The following KIAA1210 variants were observed in gnomAD, a reference collection of about 807,000 sequenced individuals.
The protein encoded by KIAA1210 is KIAA1210, also known as acrosomal protein KIAA1210.
A neutral mutation model predicts 78.9 loss-of-function variants in KIAA1210; 48 were observed. The observed-to-expected ratio is 0.61, with a 90% CI of 0.48 to 0.77. The LOEUF is 0.77. KIAA1210 is among the 30% of genes least tolerant of loss of function. The probability of loss-of-function intolerance (pLI) is 0.00; values close to 1 mark genes in which losing one functional copy is unlikely to be tolerated. For synonymous variants in KIAA1210, 406 were observed against 404.5 expected (o/e 1.00, Z -0.04); for missense variants, 1,108 against 1,100.0 (o/e 1.01, Z -0.10).
At chrX:119,093,884 G>GT in intron 7 of KIAA1210, 109 bp from the exon 8 acceptor site, 3 of 865,456 alleles carry the variant, frequency 3.5e-6, no homozygotes, top group Non-Finnish European at 5.0e-6. Flanking sequence ...TGCTGGGCAC[G>GT]TAACAGTACC....
intron 1 of KIAA1210, chrX:119,150,245 T>G: frequency 8.7e-7 from 1 of 1,150,574 alleles, no homozygotes; most frequent in Non-Finnish European, 1.2e-6. Flanking sequence ...GAGTCATTTC[T>G]TACAAACTCT....
At chrX:119,086,489 C>T (rs1927136846) in intron 9 of KIAA1210, 57 bp downstream of exon 9, 57 of 1,059,635 alleles carry the variant, frequency 5.4e-5, no homozygotes, top group Middle Eastern at 3.8e-4. Context: ...CAAGGCTTTG[C>T]TTTCCAGTTG....
chrX:119,150,115 T>C (rs920097881), intron 1 of KIAA1210, among the ~76,000 whole-genome samples: 5 of 112,064 alleles, frequency 4.5e-5, no homozygotes, highest in Non-Finnish European at 9.4e-5. Flanking sequence ...GTGCTTTACT[T>C]TGAGATGATG....
chrX:119,096,080 T>C (rs1927542731), intron 7 of KIAA1210, among the ~76,000 whole-genome samples: 1 of 112,069 alleles, frequency 8.9e-6, no homozygotes, highest in African/African-American at 3.2e-5. Context: ...GAAAGCTTGA[T>C]CTCCAAATAA....
intron 2 of KIAA1210, among the ~76,000 whole-genome samples, chrX:119,122,326 T>C (rs1928494951): frequency 9.0e-6 from 1 of 110,928 alleles, no homozygotes; most frequent in Non-Finnish European, 1.9e-5. Context: ...CACCTCGGCC[T>C]CCCAAAGTGC....
rs369352523 is a variant in KIAA1210 at position 119,088,779 on chromosome X, T to C, written c.1923A>G (p.Glu641=). 5 of 1,209,890 alleles carry C rather than the reference T, an allele frequency of 4.1e-6. 1 individual carries two copies. In the African/African-American group the frequency reaches 8.7e-5, roughly 21 times the overall value. Residue 641 remains glutamate, a synonymous_variant, in exon 9 of 12, where the codon GAA becomes GAG. Coordinates refer to ENST00000691062, the MANE Select transcript of KIAA1210 (RefSeq NM_001394962.1). ...TCAAGTCCTCAACAAAACTTTTTGA[T>C]TCTGAGAAGACTTCTTGTTCATCTT... The part of the protein sequence containing the change: ...KFEDEQEVFS[E]SKSFVEDLSS...
At chrX:119,092,543 C>T (rs751536148) in intron 8 of KIAA1210, among the ~76,000 whole-genome samples, 18 of 111,354 alleles carry the variant, frequency 1.6e-4, no homozygotes, top group Non-Finnish European at 2.8e-4. Flanking sequence ...GGGCAGATCA[C>T]AAGGTCAGGA....
rs756335711 is a variant in KIAA1210, at chrX:119,116,565, C to T, written c.161G>A (p.Ser54Asn). The change falls in exon 3 of 12, where the codon AGC (serine) becomes AAC (asparagine). Residue 54 changes from serine to asparagine, a missense_variant. Ser to Asn is a conservative substitution (Grantham distance 46). This residue lies in a region of KIAA1210 where 672 missense variants were observed against 607.1 expected (regional missense o/e 1.11). Transcript: ENST00000691062. ...GATGTTAATGTTGCTGCTGGACAAG[C>T]TCAGTTCTAGCATTTCTTCTTCCTG... ...DTQEEEMLEL[S>N]LSSSNINISS... 2.1e-5 allele frequency: 26 copies of T among 1,211,267 alleles called. No homozygotes were observed. Among genetic ancestry groups the T allele is most frequent in the Non-Finnish European group, 2.7e-5 (24 of 894,931 alleles).
intron 1 of KIAA1210, chrX:119,150,273 A>G (rs753871151): frequency 1.4e-5 from 17 of 1,194,470 alleles, no homozygotes; most frequent in Non-Finnish European, 1.9e-5. Flanking sequence ...TCAAGGCTGT[A>G]GGAGTGCCAC....
rs368603829 is a variant in KIAA1210 at position 119,096,676 on chromosome X, A to T, written c.664T>A (p.Ser222Thr). Reference protein sequence around the residue: ...LTATQSFSELSSGPDCSQSLT... With the variant: ...LTATQSFSELTSGPDCSQSLT... ...GACTGTGAGCAATCAGGTCCAGATG[A>T]TAACTCAGAGAAGCTCTGGGGAAGG... The change falls in exon 7 of 12, where the codon TCA becomes ACA. Residue 222 changes from serine (S) to threonine (T), a missense_variant. By Grantham distance (58) the Ser-to-Thr change is moderately conservative. Coordinates refer to ENST00000691062, the MANE Select transcript of KIAA1210 (RefSeq NM_001394962.1). 20 of 1,200,097 alleles carry T rather than the reference A, an allele frequency of 1.7e-5. No individual in the cohort carries two copies. Among genetic ancestry groups the T allele is most frequent in the Non-Finnish European group, 2.2e-5 (20 of 889,277 alleles).
In KIAA1210 at chrX:119,087,718, G is replaced by T. The variant is rs1381862923; in HGVS notation, c.2984C>A (p.Thr995Asn). 8.3e-7 allele frequency: 1 copy of T among 1,209,909 alleles called. No individual in the cohort carries two copies. Among genetic ancestry groups the T allele is most frequent in the Non-Finnish European group, 1.1e-6 (1 of 895,129 alleles). Reference sequence around the variant, plus strand: ...AACAGCCATTTTCTCTAGTCGTGAGGTCATTTCCTGAACTTTAGACCTCTT... The same window carrying T: ...AACAGCCATTTTCTCTAGTCGTGAGTTCATTTCCTGAACTTTAGACCTCTT... ...FLKRSKVQEM[T>N]SRLEKMAVEG... Residue 995 changes from threonine to asparagine, a missense_variant, in exon 9 of 12, where the codon ACC (threonine) becomes AAC (asparagine). Physicochemically the swap from Thr to Asn is moderately conservative, Grantham distance 65. Around this residue, in one of 5 missense-constraint regions of KIAA1210, gnomAD observed 179 missense variants for 174.1 expected, o/e 1.03. Coordinates refer to ENST00000691062, the MANE Select transcript of KIAA1210 (RefSeq NM_001394962.1).
At chrX:119,144,264 C>T (rs374610070) in intron 2 of KIAA1210, among the ~76,000 whole-genome samples, 10 of 112,513 alleles carry the variant, frequency 8.9e-5, no homozygotes, top group Non-Finnish European at 1.7e-4. Flanking sequence ...GGCCTAACAT[C>T]GTGAGGAACT....
rs994986362 is a variant in KIAA1210 at position 119,105,248 on chromosome X, T to C, written c.493-101A>G. On this transcript the variant is annotated intron_variant, in intron 5 of 11. Coordinates refer to ENST00000691062, the MANE Select transcript of KIAA1210 (RefSeq NM_001394962.1). ...TTTAATAAGAGTAAGGAATCCAAAG[T>C]TGGTTGAAGGACTAAGAATCCAAAG... is the stretch of plus-strand genomic sequence containing the variant. The C allele has an allele frequency of 5.7e-5, 51 of 888,019 alleles. 1 individual carries two copies. Among genetic ancestry groups the C allele is most frequent in the Non-Finnish European group, 1.2e-5 (8 of 656,298 alleles). 73.2% of individuals were successfully genotyped at this position (888,019 alleles called of 1,213,427 possible). A position where few individuals can be genotyped will look rare whatever the true frequency, so the allele number is the denominator to read the frequency against.
At chrX:119,129,038 T>C (rs1299881555), upstream of KIAA1210, among the ~76,000 whole-genome samples, 8 of 112,171 alleles carry the variant, frequency 7.1e-5, no homozygotes, top group African/African-American at 1.9e-4. Flanking sequence ...CTATGTTAAT[T>C]ACTAGTTTTT....
intron 6 of KIAA1210, among the ~76,000 whole-genome samples, chrX:119,100,513 C>T (rs980709977): frequency 1.1e-4 from 12 of 110,614 alleles, no homozygotes; most frequent in Admixed American, 2.9e-4. Flanking sequence ...TCTCCTTCCA[C>T]GCACTCTGAC....
At chrX:119,150,650 C>T, upstream of KIAA1210, 2 of 1,059,722 alleles carry the variant, frequency 1.9e-6, no homozygotes, top group Non-Finnish European at 2.6e-6. Context: ...GTTGAGGACT[C>T]TCCCGCTGCT....
chrX:119,134,097 A>G (rs775006433), intron 2 of KIAA1210, among the ~76,000 whole-genome samples: 1 of 111,255 alleles, frequency 9.0e-6, no homozygotes, highest in African/African-American at 3.3e-5. Flanking sequence ...GTATGTTTGT[A>G]TTAACCAACC....
chrX:119,147,402 T>C, intron 2 of KIAA1210: 2 of 1,162,863 alleles, frequency 1.7e-6, no homozygotes, highest in Non-Finnish European at 2.3e-6. Flanking sequence ...GGGAGCAGGC[T>C]GACACATAAT....
intron 1 of KIAA1210, among the ~76,000 whole-genome samples, chrX:119,125,080 A>G (rs1047292129): frequency 1.8e-5 from 2 of 111,994 alleles, no homozygotes; most frequent in African/African-American, 6.5e-5. Flanking sequence ...CAGTTAGCAG[A>G]AAAAGAAATA....
Sources: allele counts gnomAD v4.1 joint callset (sites outside exome capture counted in the v4.1 genomes callset), GRCh38; gene constraint gnomAD v4.1.1; regional missense constraint gnomAD v4.1.1; transcripts MANE v1.5; gene names NCBI Gene and HGNC (gene_info 2026-07-23, HGNC 2026-07-21).